Variants in ZNF16 observed in about 807,000 individuals in gnomAD.
The protein encoded by ZNF16 is zinc finger protein KOX9.
A neutral mutation model predicts 9.0 loss-of-function variants in ZNF16; 7 were observed. The ratio of observed to expected loss-of-function variants is 0.78; its 90% CI spans 0.44 to 1.47. ZNF16 has a LOEUF of 1.47. ZNF16 is among the 40% of genes most tolerant of loss of function. ZNF16 has a pLI of 0.01. For synonymous variants in ZNF16, 312 were observed against 301.5 expected, an observed-to-expected ratio of 1.03 and a Z score of -0.36; for missense variants, 830 against 854.2, an observed-to-expected ratio of 0.97 and a Z score of 0.35.
chr8:144,936,822 G>A (rs1018514735), intron 2 of ZNF16, among the ~76,000 whole-genome samples: 6 of 151,902 alleles, frequency 3.9e-5, no homozygotes, highest in Non-Finnish European at 8.8e-5. Context: ...CGCCTCCTGA[G>A]TAGCTGGGAT....
At chr8:144,936,056 T>G (rs1269931598) in intron 2 of ZNF16, among the ~76,000 whole-genome samples, 1 of 152,206 alleles carries the variant, frequency 6.6e-6, no homozygotes, top group Non-Finnish European at 1.5e-5. Flanking sequence ...GTAAAACCTC[T>G]TACCCATTAA....
chr8:144,940,911 G>C (rs889416082), intron 2 of ZNF16, among the ~76,000 whole-genome samples: 2 of 152,170 alleles, frequency 1.3e-5, no homozygotes, highest in Non-Finnish European at 2.9e-5. Context: ...GCTCCCTCAG[G>C]CCTCTTATAA....
rs1468279029 is a variant in ZNF16, at chr8:144,932,374, G to A, written c.413C>T (p.Pro138Leu). Reference protein sequence around the residue: ...QSLSQEGDFTPAAMGLLRGPL... With the variant: ...QSLSQEGDFTLAAMGLLRGPL... ...GCCCCTAAGGAGCCCCATGGCAGCT[G>A]GTGTGAAGTCCCCCTCCTGGGAGAG... The change falls in exon 3 of 3, where the codon CCA becomes CTA. Residue 138 changes from proline to leucine, a missense_variant. Pro to Leu is a moderately conservative substitution (Grantham distance 98). Coordinates refer to ENST00000394909, the MANE Select transcript of ZNF16 (RefSeq NM_006958.3). This position sits in a 1 kb window ranked among gnomAD's most constrained non-coding sequence, Gnocchi z 5.0. The A allele has an allele frequency of 6.2e-7, 1 of 1,614,016 alleles. No homozygotes were observed. Among genetic ancestry groups the A allele is most frequent in the Non-Finnish European group, 8.5e-7 (1 of 1,180,018 alleles).
At chr8:144,939,277 C>T (rs1205262082) in intron 2 of ZNF16, among the ~76,000 whole-genome samples, 3 of 152,188 alleles carry the variant, frequency 2.0e-5, no homozygotes, top group Admixed American at 1.3e-4. Flanking sequence ...CAAGAGTTTG[C>T]GAAGGTTTGG....
Position 144,931,611 on chromosome 8 carries a change from C to T in ZNF16, c.1176G>A (p.Leu392=). The T allele has an allele frequency of 6.2e-7, 1 of 1,613,736 alleles. No homozygotes were observed. Among genetic ancestry groups the T allele is most frequent in the Admixed American group, 1.7e-5 (1 of 60,004 alleles). ...CAGTGTGGACCCTCTGGTGCTTCCT[C>T]AGGTGTGCACTCTGGCTGAAGGCTT... ...CGKAFSQSAH[L]RKHQRVHTGE... The change falls in exon 3 of 3, where the codon CTG becomes CTA. Residue 392 remains leucine (L), a synonymous_variant. Transcript: ENST00000394909.
chr8:144,950,163 A>G (rs977197262), intron 1 of ZNF16, among the ~76,000 whole-genome samples: 1 of 151,728 alleles, frequency 6.6e-6, no homozygotes, highest in Non-Finnish European at 1.5e-5. Flanking sequence ...CCTTAAACTT[A>G]ATTATGGCAC....
At chr8:144,942,176 C>T (rs1833816671) in intron 2 of ZNF16, among the ~76,000 whole-genome samples, 1 of 150,884 alleles carries the variant, frequency 6.6e-6, no homozygotes, top group African/African-American at 2.4e-5. Context: ...GACGGGGTTT[C>T]ACTGTGTTAG....
Position 144,946,616 on chromosome 8 carries a change from G to A in ZNF16, c.-9-401C>T, listed in dbSNP as rs1370822855. Among the ~76,000 whole-genome samples the A allele has an allele frequency of 1.4e-3, 158 of 110,224 alleles. 7 individuals carry two copies. Among genetic ancestry groups the A allele is most frequent in the African/African-American group, 5.7e-3 (151 of 26,354 alleles). The allele number at this position is 110,224 out of a possible 152,430, so 72.3% of individuals were successfully genotyped here. A position where few individuals can be genotyped will look rare whatever the true frequency, so the allele number is the denominator to read the frequency against. The stretch of plus-strand genomic sequence containing the variant: ...GTCTGTATCCTGCTGTTGGGCTTGT[G>A]TCCTGCTGTTGGGCCTGTGTCCTGC... On this transcript the variant is annotated intron_variant, in intron 1 of 2. Coordinates refer to ENST00000394909, the MANE Select transcript of ZNF16 (RefSeq NM_006958.3).
intron 2 of ZNF16, chr8:144,945,783 G>T: frequency 1.2e-6 from 1 of 807,470 alleles, no homozygotes; most frequent in Non-Finnish European, 1.8e-6. Flanking sequence ...TGGCCATCAT[G>T]TCATACCTCT....
At chr8:144,936,313 A>G (rs904387352) in intron 2 of ZNF16, among the ~76,000 whole-genome samples, 9 of 152,188 alleles carry the variant, frequency 5.9e-5, no homozygotes, top group African/African-American at 2.2e-4. Context: ...TCATTCATCC[A>G]TTGACAGACA....
At chr8:144,946,334 G>T in intron 1 of ZNF16, 119 bp from the exon 2 acceptor site, 1 of 963,880 alleles carries the variant, frequency 1.0e-6, no homozygotes. Flanking sequence ...AGAGGGCCTG[G>T]TGCTGCCAGG....
chr8:144,930,652 C>CTGGGAAG lies in ZNF16; in HGVS notation c.*79_*85dup, dbSNP rs1271057295. The CTGGGAAG allele has an allele frequency of 4.8e-6, 7 of 1,451,072 alleles. No homozygotes were observed. Among genetic ancestry groups the CTGGGAAG allele is most frequent in the Non-Finnish European group, 6.4e-6 (7 of 1,087,338 alleles). 89.9% of individuals were successfully genotyped at this position (1,451,072 alleles called of 1,614,324 possible). A position where few individuals can be genotyped will look rare whatever the true frequency, so the allele number is the denominator to read the frequency against. On this transcript the variant is annotated 3_prime_UTR_variant, in exon 3 of 3. Transcript: ENST00000394909. ...AGTGAGCTGAGTCCAGGCTTTCGGT[C>CTGGGAAG]TGGGAAGTGGCAGAGGCTGAGACAA...
Position 144,950,572 on chromosome 8 carries a change from C to T in ZNF16, c.-10+225G>A, listed in dbSNP as rs1037281691. 5.9e-5 allele frequency: 9 copies of T among 152,038 alleles called. 1 individual carries two copies. Among genetic ancestry groups the T allele is most frequent in the Admixed American group, 1.3e-4 (2 of 15,284 alleles). The allele number at this position is 152,038 out of a possible 1,614,324, so 9.4% of individuals were successfully genotyped here. On this transcript the variant is annotated intron_variant, in intron 1 of 2. Transcript: ENST00000394909. The stretch of plus-strand genomic sequence containing the variant: ...CCGGGGTCTCCCCGGAGACCCCCTA[C>T]CGGAGGCAGCCCCCAGAGGCTCTGA...
rs759511725 is a variant in ZNF16 at position 144,930,498 on chromosome 8, G to A, written c.*240C>T. ...CTCCCTTGTAACAAACGTGCAGTCC[G>A]TTCACAAGCTGTAAAAACAAGCCCA... On this transcript the variant is annotated 3_prime_UTR_variant, in exon 3 of 3. Transcript: ENST00000394909. The A allele has an allele frequency of 9.6e-5, 44 of 458,082 alleles. No homozygotes were observed. Among genetic ancestry groups the A allele is most frequent in the Non-Finnish European group, 1.4e-4 (36 of 262,448 alleles). 28.4% of individuals were successfully genotyped at this position (458,082 alleles called of 1,614,324 possible). A position where few individuals can be genotyped will look rare whatever the true frequency, so the allele number is the denominator to read the frequency against.
chr8:144,942,079 G>A (rs563771220), intron 2 of ZNF16, among the ~76,000 whole-genome samples: 7 of 148,466 alleles, frequency 4.7e-5, no homozygotes, highest in South Asian at 2.1e-4. Context: ...CCGGGTTCAC[G>A]CCATTCTCCT....
rs148563255 is a variant in ZNF16 at position 144,933,967 on chromosome 8, G to A, written c.197-1377C>T. Among the ~76,000 whole-genome samples, 205 of 152,274 alleles carry A rather than the reference G, an allele frequency of 1.3e-3. 2 individuals carry two copies. The highest frequency in any genetic ancestry group is 6.8e-3 in the Middle Eastern group (2 of 294). On this transcript the variant is annotated intron_variant, in intron 2 of 2. Transcript: ENST00000394909. The surrounding 1 kb of genome is among the most constrained non-coding windows in gnomAD (Gnocchi z 5.6). Reference sequence around the variant, plus strand: ...GAAGACCTCTGGTCTAGCTGTAGTCGGTAGTGCTGAGTGGGTGTGAAGGAT... The same window carrying A: ...GAAGACCTCTGGTCTAGCTGTAGTCAGTAGTGCTGAGTGGGTGTGAAGGAT...
At chr8:144,943,624 A>G (rs756213559) in intron 2 of ZNF16, among the ~76,000 whole-genome samples, 4 of 151,788 alleles carry the variant, frequency 2.6e-5, no homozygotes, top group Non-Finnish European at 5.9e-5. Flanking sequence ...GGTTCAAGCG[A>G]TTCTCCTGCC....
rs950287225 is a variant in ZNF16, at chr8:144,950,819, G to A, written c.-32C>T. ...AACCTCAACGGGTCGCGCTTGGAAA[G>A]GAGGCAGCACCGTGGCACGAAGACG... On this transcript the variant is annotated 5_prime_UTR_variant, in exon 1 of 3. Transcript: ENST00000394909. 2 of 152,262 alleles carry A rather than the reference G, an allele frequency of 1.3e-5. No homozygotes were observed. The highest frequency in any genetic ancestry group is 2.9e-5 in the Non-Finnish European group (2 of 68,088). The allele number at this position is 152,262 out of a possible 1,614,324, so 9.4% of individuals were successfully genotyped here. A position where few individuals can be genotyped will look rare whatever the true frequency, so the allele number is the denominator to read the frequency against.
At position 144,932,555 on chromosome 8, in the gene ZNF16, G is replaced by A. The variant is rs749842641; in HGVS notation, c.232C>T (p.His78Tyr). ...AAATCTTCATGAATGTCTTCCTTGTGAAGAAACTCCTTGTCTTCAGTCCTG... is the reference window on the plus strand; with the variant it reads ...AAATCTTCATGAATGTCTTCCTTGTAAAGAAACTCCTTGTCTTCAGTCCTG... ...DTRTEDKEFL[H>Y]KEDIHEDLES... Residue 78 changes from histidine to tyrosine, a missense_variant, in exon 3 of 3, where the codon CAC becomes TAC. Physicochemically the swap from His to Tyr is moderately conservative, Grantham distance 83. Coordinates refer to ENST00000394909, the MANE Select transcript of ZNF16 (RefSeq NM_006958.3). The surrounding 1 kb of genome is among the most constrained non-coding windows in gnomAD (Gnocchi z 5.0). The A allele has an allele frequency of 5.7e-5, 92 of 1,613,890 alleles. No individual in the cohort carries two copies. The highest frequency in any genetic ancestry group is 3.2e-4 in the Admixed American group (19 of 59,978).
Sources: gnomAD v4.1 joint callset for allele counts (sites outside exome capture counted in the v4.1 genomes callset) on GRCh38, gnomAD v4.1.1 for gene constraint, Gnocchi (gnomAD v3.1) non-coding constraint, MANE v1.5 for transcripts, NCBI Gene and HGNC (gene_info 2026-07-23, HGNC 2026-07-21) for gene names.